The following MOV10L1 variants were observed in gnomAD, a reference collection of about 807,000 sequenced individuals.
MOV10L1 encodes Mov10 like RNA helicase 1, also known as RNA helicase Mov10l1.
In MOV10L1, 110 loss-of-function variants were observed where a neutral mutation model predicts 143.8. That is an observed-to-expected ratio of 0.76 (90% CI 0.66 to 0.90). The LOEUF is 0.90. MOV10L1 is among the 40% of genes least tolerant of loss of function. The pLI is 0.00. For missense variants in MOV10L1, 1,406 were observed against 1,526.8 expected, an observed-to-expected ratio of 0.92 and a Z score of 1.32; for synonymous variants, 593 against 581.1, an observed-to-expected ratio of 1.02 and a Z score of -0.29.
intron 2 of MOV10L1, 52 bp downstream of exon 2, chr22:50,092,237 G>T: frequency 2.6e-6 from 4 of 1,534,972 alleles, no homozygotes; most frequent in Non-Finnish European, 3.6e-6. Flanking sequence ...GGGACTTTGT[G>T]TTGTTTTTCC....
intron 1 of MOV10L1, 62 bp downstream of exon 1, chr22:50,090,247 GCC>G (rs1177777410): frequency 7.1e-7 from 1 of 1,409,462 alleles, no homozygotes; most frequent in East Asian, 2.7e-5. Flanking sequence ...CCACGAGGGA[GCC>G]GCGCCCATAG....
rs200214195 is a variant in MOV10L1, at chr22:50,092,119, T to C, written c.216T>C (p.Asn72=). 69 of 1,614,094 alleles carry C rather than the reference T, an allele frequency of 4.3e-5. 1 individual carries two copies. The Admixed American group carries it at 9.8e-4, about 23-fold the overall frequency. ...CTGTGACTAGCAGAGTGCTTCTGAA[T>C]GTTGGACAGGAAGTGATTGCAGTTG... ...SDAVTSRVLL[N]VGQEVIAVVE... is the part of the protein sequence containing the mutation. The change falls in exon 2 of 27, where the codon AAT becomes AAC. Residue 72 remains asparagine (N), a synonymous_variant. Transcript: ENST00000262794.
intron 15 of MOV10L1, among the ~76,000 whole-genome samples, chr22:50,137,206 C>T (rs954237072): frequency 1.4e-4 from 22 of 152,172 alleles, no homozygotes; most frequent in Admixed American, 1.1e-3. Flanking sequence ...CCAACCCCCC[C>T]GAAATAACAT....
rs1328895092 is a variant in MOV10L1, at chr22:50,158,755, G to C, written c.3216+549G>C. On this transcript the variant is annotated intron_variant, in intron 23 of 26. Transcript: ENST00000262794. The surrounding 1 kb of genome is among the most constrained non-coding windows in gnomAD (Gnocchi z 5.0). Reference sequence around the variant, plus strand: ...GTCCCTGTGGTGTTCACACCACCAAGCAGAACTTGGAAAGAACCCCCAAAA... The same window carrying C: ...GTCCCTGTGGTGTTCACACCACCAACCAGAACTTGGAAAGAACCCCCAAAA... The C allele has an allele frequency of 6.5e-6, 1 of 152,684 alleles. No individual in the cohort carries two copies. The highest frequency in any genetic ancestry group is 2.4e-5 in the African/African-American group (1 of 41,416). 9.5% of individuals were successfully genotyped at this position (152,684 alleles called of 1,614,324 possible).
At chr22:50,090,209 A>C in intron 1 of MOV10L1, 24 bp downstream of exon 1, 1 of 1,410,626 alleles carries the variant, frequency 7.1e-7, no homozygotes. Context: ...GGCGGCTGGG[A>C]GGCGGGTCCC....
rs201009235 is a variant in MOV10L1, at chr22:50,125,407, A to G, written c.1585A>G (p.Asn529Asp). 4.3e-6 allele frequency: 7 copies of G among 1,614,210 alleles called. No homozygotes were observed. The highest frequency in any genetic ancestry group is 5.1e-6 in the Non-Finnish European group (6 of 1,180,028). ...PLLAELLNMS[N>D]YKEKFSTLLW... ...TGTTTTCCAGCTTCTGAACATGTCA[A>G]ATTACAAGGAGAAGTTTTCGACTTT... Residue 529 changes from asparagine to aspartate, a missense_variant, in exon 11 of 27, where the codon AAT becomes GAT. Coordinates refer to ENST00000262794, the MANE Select transcript of MOV10L1 (RefSeq NM_018995.3).
At chr22:50,115,439 G>A (rs1484743003) in intron 8 of MOV10L1, among the ~76,000 whole-genome samples, 193 bp downstream of exon 8, 2 of 152,122 alleles carry the variant, frequency 1.3e-5, no homozygotes, top group African/African-American at 4.8e-5. Flanking sequence ...TGTAGTCCTA[G>A]CTACTCAGGA....
chr22:50,120,770 G>A (rs1489074103), intron 10 of MOV10L1, among the ~76,000 whole-genome samples, 154 bp downstream of exon 10: 2 of 152,346 alleles, frequency 1.3e-5, no homozygotes, highest in South Asian at 2.1e-4. Context: ...CTGGCCGTGA[G>A]GGATGAGGCA....
chr22:50,090,068 A>ACGGCG lies in MOV10L1; in HGVS notation c.-21_-20insCGGCG, dbSNP rs781400852. On this transcript the variant is annotated 5_prime_UTR_variant, in exon 1 of 27. Transcript: ENST00000262794. The stretch of plus-strand genomic sequence containing the variant: ...GGGCGGCGGCAGCGGCGGTGACGGC[A>ACGGCG]GCCTAGGCCGGGCGAGGGCCATGCT... The ACGGCG allele has an allele frequency of 0.23, 280,683 of 1,237,802 alleles. 32,981 individuals carry two copies. The highest frequency in any genetic ancestry group is 0.36 in the Admixed American group (8,152 of 22,796). The allele number at this position is 1,237,802 out of a possible 1,614,324, so 76.7% of individuals were successfully genotyped here.
intron 5 of MOV10L1, among the ~76,000 whole-genome samples, chr22:50,112,236 C>A (rs138111078): frequency 6.6e-6 from 1 of 152,220 alleles, no homozygotes; most frequent in East Asian, 1.9e-4. Context: ...ATGTGACGTG[C>A]ACTGCTCCCG....
chr22:50,097,075 G>GT (rs1210262913), intron 2 of MOV10L1, among the ~76,000 whole-genome samples: 2 of 152,090 alleles, frequency 1.3e-5, no homozygotes, highest in African/African-American at 4.8e-5. Flanking sequence ...TCTACCAAGA[G>GT]TTTTATAGTT....
chr22:50,157,413 T>C (rs5771086), intron 22 of MOV10L1, among the ~76,000 whole-genome samples: 115,841 of 152,006 alleles, frequency 0.76, 44,388 homozygotes, highest in Admixed American at 0.8. Context: ...TTGCCAAACC[T>C]AATGTCGTGG....
intron 18 of MOV10L1, among the ~76,000 whole-genome samples, 192 bp from the exon 19 acceptor site, chr22:50,145,497 T>G (rs749085771): frequency 9.9e-5 from 15 of 152,214 alleles, no homozygotes; most frequent in Non-Finnish European, 1.9e-4. Context: ...TGCAGGATTA[T>G]GTGTTATATT....
chr22:50,096,044 TGTG>T (rs1312981026), intron 2 of MOV10L1: 1 of 152,220 alleles, frequency 6.6e-6, no homozygotes. Context: ...ATATTTTTCT[TGTG>T]GTAAAATATG....
chr22:50,126,328 GA>G, intron 12 of MOV10L1, 56 bp downstream of exon 12: 2 of 1,356,550 alleles, frequency 1.5e-6, no homozygotes, highest in African/African-American at 1.4e-5. Flanking sequence ...TGACCGGTTG[GA>G]AAGGTAACGT....
chr22:50,118,520 A>G (rs531455620), intron 9 of MOV10L1, among the ~76,000 whole-genome samples: 39 of 152,362 alleles, frequency 2.6e-4, no homozygotes, highest in African/African-American at 9.4e-4. Context: ...AAAGCTTTGT[A>G]TTGAAAACCA....
intron 2 of MOV10L1, 38 bp from the exon 3 acceptor site, chr22:50,099,405 C>G: frequency 6.3e-7 from 1 of 1,591,854 alleles, no homozygotes; most frequent in African/African-American, 1.3e-5. Flanking sequence ...TCTTGTAGTT[C>G]TCGTATTATG....
intron 5 of MOV10L1, among the ~76,000 whole-genome samples, chr22:50,109,047 G>C (rs1486776221): frequency 6.6e-6 from 1 of 152,164 alleles, no homozygotes; most frequent in Non-Finnish European, 1.5e-5. Flanking sequence ...GGGAGGCTGA[G>C]GCAGGAAAAT....
chr22:50,112,025 A>C (rs1252168513), intron 5 of MOV10L1, among the ~76,000 whole-genome samples: 1 of 152,166 alleles, frequency 6.6e-6, no homozygotes, highest in Non-Finnish European at 1.5e-5. Context: ...AGTGCACCCC[A>C]TGTAAGGTAG....
Sources: gnomAD v4.1 joint callset for allele counts (sites outside exome capture counted in the v4.1 genomes callset) on GRCh38, gnomAD v4.1.1 for gene constraint, Gnocchi (gnomAD v3.1) non-coding constraint, MANE v1.5 for transcripts, NCBI Gene and HGNC (gene_info 2026-07-23, HGNC 2026-07-21) for gene names.